APBB2: variants seen among roughly 807,000 people sequenced by gnomAD.
APBB2 encodes Fe65-like 1.
Under a neutral mutation model 82.5 loss-of-function variants are expected in APBB2, and 38 were observed. The observed-to-expected ratio is 0.46, with a 90% CI of 0.36 to 0.60. The LOEUF (loss-of-function observed/expected upper bound fraction) is 0.60. Ranked by LOEUF, APBB2 falls within the 20% of genes least tolerant of loss-of-function variation. The probability of loss-of-function intolerance (pLI) is 0.00; values close to 1 mark genes in which losing one functional copy is unlikely to be tolerated. For synonymous variants in APBB2, 341 were observed against 368.2 expected (o/e 0.93, Z 0.85); for missense variants, 772 against 972.3 (o/e 0.79, Z 2.74).
chr4:41,134,845 C>T (rs936328434), intron 2 of APBB2, among the ~76,000 whole-genome samples: 2 of 152,220 alleles, frequency 1.3e-5, no homozygotes, highest in African/African-American at 4.8e-5. Flanking sequence ...TCGTTCCCTC[C>T]AGCAAACTAC....
chr4:41,128,811 C>T (rs1755151524), intron 2 of APBB2, among the ~76,000 whole-genome samples: 1 of 152,172 alleles, frequency 6.6e-6, no homozygotes, highest in Admixed American at 6.5e-5. Context: ...TATCTCCAGC[C>T]TCCTGGCTTC....
intron 3 of APBB2, among the ~76,000 whole-genome samples, chr4:41,088,665 G>C (rs1740683354): frequency 6.6e-6 from 1 of 152,240 alleles, no homozygotes; most frequent in African/African-American, 2.4e-5. Flanking sequence ...CTGAAGTAGG[G>C]ATTGGATGGT....
rs992854242 is a variant in APBB2 at position 40,890,720 on chromosome 4, C to T, written c.1402-229G>A. The T allele has an allele frequency of 1.8e-5, 8 of 451,354 alleles. No individual in the cohort carries two copies. In the Admixed American group the frequency reaches 3.3e-4, roughly 19 times the overall value. 28.0% of individuals were successfully genotyped at this position (451,354 alleles called of 1,614,324 possible). A position where few individuals can be genotyped will look rare whatever the true frequency, so the allele number is the denominator to read the frequency against. On this transcript the variant is annotated intron_variant, in intron 11 of 17. Transcript: ENST00000508593. ...CTCCGAGTCCTCTGAAATGTGTCCC[C>T]ATCCTGCTTTCCAGGCTGCTCTTAA...
chr4:41,183,704 C>T (rs1382169771), intron 1 of APBB2, among the ~76,000 whole-genome samples: 3 of 151,810 alleles, frequency 2.0e-5, no homozygotes, highest in African/African-American at 4.8e-5. Flanking sequence ...TACCAATAAC[C>T]TGAGTCAGAC....
chr4:40,838,601 C>T (rs1268999657), intron 12 of APBB2, among the ~76,000 whole-genome samples: 1 of 152,158 alleles, frequency 6.6e-6, no homozygotes, highest in Non-Finnish European at 1.5e-5. Flanking sequence ...TCTCAAAGTG[C>T]TGGGATTACA....
intron 4 of APBB2, among the ~76,000 whole-genome samples, chr4:41,055,549 A>C (rs967302303): frequency 2.0e-5 from 3 of 152,008 alleles, no homozygotes; most frequent in African/African-American, 2.4e-5. Context: ...TGAACACTAC[A>C]TCTCTAGGAC....
chr4:41,044,689 G>A (rs182285844), intron 4 of APBB2, among the ~76,000 whole-genome samples: 60 of 152,204 alleles, frequency 3.9e-4, no homozygotes, highest in African/African-American at 1.4e-3. Context: ...AAGAGTTTCC[G>A]TCAAAAAGTC....
At chr4:40,960,444 C>T (rs1432978143) in intron 6 of APBB2, among the ~76,000 whole-genome samples, 7 of 98,086 alleles carry the variant, frequency 7.1e-5, no homozygotes, top group African/African-American at 9.1e-5. Flanking sequence ...AATTTTTTTT[C>T]GGGTTTTTTT....
At chr4:41,113,933 C>G (rs1750076350) in intron 2 of APBB2, 1 of 152,274 alleles carries the variant, frequency 6.6e-6, no homozygotes, top group Non-Finnish European at 1.5e-5. Context: ...ACTAAAAATA[C>G]AAAAATTAGT....
At chr4:40,915,485 T>C (rs1436710102) in intron 10 of APBB2, among the ~76,000 whole-genome samples, 1 of 152,210 alleles carries the variant, frequency 6.6e-6, no homozygotes, top group Non-Finnish European at 1.5e-5. Flanking sequence ...ATCTGCGAAG[T>C]TGGCCTTAAA....
chr4:40,955,308 C>A (rs1381211293), intron 6 of APBB2, among the ~76,000 whole-genome samples: 4 of 152,124 alleles, frequency 2.6e-5, no homozygotes, highest in Non-Finnish European at 5.9e-5. Context: ...GGTCATGTGG[C>A]TGGAAAAAGA....
At chr4:40,872,310 A>C (rs1011666737) in intron 12 of APBB2, among the ~76,000 whole-genome samples, 3 of 152,212 alleles carry the variant, frequency 2.0e-5, no homozygotes, top group Admixed American at 1.3e-4. Context: ...TTTGGTTGTT[A>C]TTACAGTCTA....
chr4:41,067,389 C>T (rs887100278), intron 3 of APBB2, among the ~76,000 whole-genome samples: 3 of 147,356 alleles, frequency 2.0e-5, no homozygotes, highest in African/African-American at 7.5e-5. Context: ...CCAGCCTGGG[C>T]AGCAAGAGTG....
At chr4:40,973,976 C>A (rs184816488) in intron 6 of APBB2, among the ~76,000 whole-genome samples, 1 of 151,872 alleles carries the variant, frequency 6.6e-6, no homozygotes, top group South Asian at 2.1e-4. Context: ...CTCAGCCTTC[C>A]GAGTAGCTGG....
chr4:40,969,664 A>T (rs369733010), intron 6 of APBB2, among the ~76,000 whole-genome samples: 1 of 152,222 alleles, frequency 6.6e-6, no homozygotes, highest in African/African-American at 2.4e-5. Context: ...GGATGTTTTA[A>T]AGAGTCCTTC....
chr4:40,985,340 AAAATAATT>A (rs1356165740), intron 6 of APBB2, among the ~76,000 whole-genome samples: 1 of 152,178 alleles, frequency 6.6e-6, no homozygotes, highest in Non-Finnish European at 1.5e-5. Flanking sequence ...TAATTATTGA[AAAATAATT>A]AAACAACCCA....
chr4:40,960,446 G>GTTTTTTTTTTTTTTTTT (rs371607683), intron 6 of APBB2, among the ~76,000 whole-genome samples: 1 of 120,544 alleles, frequency 8.3e-6, no homozygotes. Flanking sequence ...TTTTTTTTCG[G>GTTTTTTTTTTTTTTTTT]GTTTTTTTTT....
intron 4 of APBB2, among the ~76,000 whole-genome samples, chr4:41,047,675 C>A (rs965093098): frequency 6.6e-6 from 1 of 152,230 alleles, no homozygotes; most frequent in Admixed American, 6.5e-5. Flanking sequence ...AGGCTCCAAT[C>A]CTGGTCTAAC....
intron 6 of APBB2, among the ~76,000 whole-genome samples, chr4:41,006,644 T>A (rs1012978330): frequency 6.6e-6 from 1 of 152,116 alleles, no homozygotes; most frequent in Admixed American, 6.5e-5. Context: ...TTTTGTATTT[T>A]TAGTAGAAAC....
Sources: gnomAD v4.1 joint callset for allele counts (sites outside exome capture counted in the v4.1 genomes callset) on GRCh38, gnomAD v4.1.1 for gene constraint, MANE v1.5 for transcripts, NCBI Gene and HGNC (gene_info 2026-07-23, HGNC 2026-07-21) for gene names.